VKORC1L1: variants seen among roughly 807,000 people sequenced by gnomAD.
VKORC1L1 encodes vitamin K epoxide reductase complex subunit 1-like protein 1.
A neutral mutation model predicts 18.9 loss-of-function variants in VKORC1L1; 2 were observed. The ratio of observed to expected loss-of-function variants is 0.11; its 90% CI spans 0.04 to 0.33. The LOEUF is 0.33. VKORC1L1 is among the 10% of genes least tolerant of loss of function. VKORC1L1 has a pLI of 1.00. For missense variants in VKORC1L1, 123 were observed against 224.1 expected (o/e 0.55, Z 2.88); for synonymous variants, 96 against 100.0 (o/e 0.96, Z 0.24).
At chr7:65,951,082 CAT>C (rs76870979) in intron 2 of VKORC1L1, among the ~76,000 whole-genome samples, 6,064 of 152,244 alleles carry the variant, frequency 0.04, 173 homozygotes, top group East Asian at 0.097. Context: ...ATATTTATCA[CAT>C]GTGTTTTTTC....
rs754983567 is a variant in VKORC1L1 at position 65,954,923 on chromosome 7, T to TA, written c.*623_*624insA. ...GTGAAAATAGCCTATACACAGCATCTTGTGAAAAGTACTGGCAGCCGTGGT... is the reference window on the plus strand; with the variant it reads ...GTGAAAATAGCCTATACACAGCATCTATGTGAAAAGTACTGGCAGCCGTGGT... On this transcript the variant is annotated 3_prime_UTR_variant, in exon 3 of 3. Transcript: ENST00000360768. 1 of 152,332 alleles carries TA rather than the reference T, an allele frequency of 6.6e-6. No individual in the cohort carries two copies. Among genetic ancestry groups the TA allele is most frequent in the Non-Finnish European group, 1.5e-5 (1 of 68,170 alleles). 9.4% of individuals were successfully genotyped at this position (152,332 alleles called of 1,614,324 possible). A position where few individuals can be genotyped will look rare whatever the true frequency, so the allele number is the denominator to read the frequency against.
At chr7:65,944,828 A>G (rs1218164184) in intron 1 of VKORC1L1, among the ~76,000 whole-genome samples, 1 of 151,788 alleles carries the variant, frequency 6.6e-6, no homozygotes, top group Non-Finnish European at 1.5e-5. Flanking sequence ...GAGGAGGGAA[A>G]ATTGCTTGAG....
At chr7:65,926,723 G>A (rs1327455725) in intron 1 of VKORC1L1, among the ~76,000 whole-genome samples, 2 of 152,136 alleles carry the variant, frequency 1.3e-5, no homozygotes, top group Admixed American at 1.3e-4. Context: ...GGACCAATGA[G>A]TGAATACAGA....
chr7:65,943,769 T>C (rs1401353479), intron 1 of VKORC1L1, among the ~76,000 whole-genome samples: 2 of 152,192 alleles, frequency 1.3e-5, no homozygotes, highest in East Asian at 3.9e-4. Context: ...CACTCCAGCC[T>C]GGGCAACAAT....
chr7:65,874,494 G>A (rs1177843742), intron 1 of VKORC1L1, among the ~76,000 whole-genome samples: 1 of 151,886 alleles, frequency 6.6e-6, no homozygotes, highest in Non-Finnish European at 1.5e-5. Flanking sequence ...ACCGCGCCTG[G>A]CCTGCTTAAG....
chr7:65,900,394 CAAAAAA>C (rs546873103), intron 1 of VKORC1L1, among the ~76,000 whole-genome samples: 1 of 118,730 alleles, frequency 8.4e-6, no homozygotes, highest in Admixed American at 8.7e-5. Context: ...GGCTCTATCT[CAAAAAA>C]AAAAAAAGAA....
At chr7:65,924,993 TGTG>T (rs949460600) in intron 1 of VKORC1L1, among the ~76,000 whole-genome samples, 2 of 152,242 alleles carry the variant, frequency 1.3e-5, no homozygotes, top group South Asian at 2.1e-4. Flanking sequence ...TTGCTTAACT[TGTG>T]GTGTTCCCTA....
intron 1 of VKORC1L1, among the ~76,000 whole-genome samples, chr7:65,947,676 G>GT (rs1245261547): frequency 1.3e-5 from 2 of 151,854 alleles, no homozygotes; most frequent in Non-Finnish European, 2.9e-5. Context: ...AAGACCTATA[G>GT]TTTCTGATAT....
chr7:65,870,509 A>AATTCATGATAGC (rs1204874227), upstream of VKORC1L1, among the ~76,000 whole-genome samples: 1 of 152,224 alleles, frequency 6.6e-6, no homozygotes, highest in Non-Finnish European at 1.5e-5. Context: ...TTAGCAATTT[A>AATTCATGATAGC]ATTCATGATA....
intron 1 of VKORC1L1, among the ~76,000 whole-genome samples, chr7:65,894,590 T>C (rs67111830): frequency 0.045 from 6,882 of 152,014 alleles, 238 homozygotes; most frequent in Middle Eastern, 0.14. Context: ...TAACTGGGCA[T>C]GGTGGTGGGC....
upstream of VKORC1L1, among the ~76,000 whole-genome samples, chr7:65,870,394 C>T: frequency 6.6e-6 from 1 of 151,924 alleles, no homozygotes; most frequent in East Asian, 1.9e-4. Flanking sequence ...TGCATCATTG[C>T]CCTCCAGCCT....
intron 1 of VKORC1L1, 29 bp from the exon 2 acceptor site, chr7:65,948,642 T>C (rs1483261372): frequency 7.6e-6 from 6 of 784,358 alleles, no homozygotes; most frequent in Admixed American, 3.5e-5. Flanking sequence ...AATTCAAATA[T>C]AGGGTTACTG....
chr7:65,873,570 C>G lies in VKORC1L1; in HGVS notation c.194+5C>G. ...CTCCGCCGCCCTTGCCTCCAGGTAG[C>G]CGGCTTGGGGGAGTGGGCCAGGAGC... On this transcript the variant is annotated splice_donor_5th_base_variant and intron_variant, in intron 1 of 2. Transcript: ENST00000360768. The G allele has an allele frequency of 6.5e-7, 1 of 1,538,262 alleles. No individual in the cohort carries two copies. The highest frequency in any genetic ancestry group is 8.7e-7 in the Non-Finnish European group (1 of 1,145,892).
upstream of VKORC1L1, among the ~76,000 whole-genome samples, chr7:65,870,755 A>G (rs1224949846): frequency 6.6e-6 from 1 of 152,222 alleles, no homozygotes; most frequent in Non-Finnish European, 1.5e-5. Flanking sequence ...TATTAAAATC[A>G]TTAGGGATGT....
intron 1 of VKORC1L1, among the ~76,000 whole-genome samples, chr7:65,937,733 C>A (rs1789966805): frequency 6.6e-6 from 1 of 152,086 alleles, no homozygotes; most frequent in Non-Finnish European, 1.5e-5. Flanking sequence ...ATTTTTAATG[C>A]CTTGGTCTTA....
At chr7:65,871,134 A>G (rs1788720505), upstream of VKORC1L1, among the ~76,000 whole-genome samples, 1 of 152,066 alleles carries the variant, frequency 6.6e-6, no homozygotes. Context: ...GTCCTGTGTA[A>G]TCCTCTCCCT....
chr7:65,900,671 G>T (rs1414282707), intron 1 of VKORC1L1, among the ~76,000 whole-genome samples: 1 of 151,950 alleles, frequency 6.6e-6, no homozygotes, highest in Non-Finnish European at 1.5e-5. Context: ...TGGGTGTTGT[G>T]GCACATGCCT....
Position 65,895,524 on chromosome 7 carries a change from C to T in VKORC1L1, c.194+21959C>T, listed in dbSNP as rs71564939. 9.6e-5 allele frequency among the ~76,000 whole-genome samples: 12 copies of T among 124,394 alleles called. No individual in the cohort carries two copies. In the East Asian group the frequency reaches 1.7e-3, roughly 18 times the overall value. 81.6% of individuals were successfully genotyped at this position (124,394 alleles called of 152,430 possible). On this transcript the variant is annotated intron_variant, in intron 1 of 2. Coordinates refer to ENST00000360768, the MANE Select transcript of VKORC1L1 (RefSeq NM_173517.6). ...ATATATATATATATATATACACACA[C>T]ACACACACACACACATATAATTTGT...
chr7:65,917,754 C>T (rs1225371958), intron 1 of VKORC1L1, among the ~76,000 whole-genome samples: 1 of 152,202 alleles, frequency 6.6e-6, no homozygotes, highest in African/African-American at 2.4e-5. Flanking sequence ...GCATGCATAT[C>T]ATTAGTTCAT....
Sources: allele counts gnomAD v4.1 joint callset (sites outside exome capture counted in the v4.1 genomes callset), GRCh38; gene constraint gnomAD v4.1.1; transcripts MANE v1.5; gene names NCBI Gene and HGNC (gene_info 2026-07-23, HGNC 2026-07-21).